PDGFD: variants seen among roughly 807,000 people sequenced by gnomAD.
PDGFD encodes the protein platelet derived growth factor D.
In PDGFD, 30 loss-of-function variants were observed where a neutral mutation model predicts 44.7. That is an observed-to-expected ratio of 0.67 (90% CI 0.50 to 0.91). The LOEUF is 0.91. Ranked by LOEUF, PDGFD falls within the 40% of genes least tolerant of loss-of-function variation. PDGFD has a pLI of 0.00. For missense variants in PDGFD, 445 were observed against 457.8 expected (o/e 0.97, Z 0.25); for synonymous variants, 173 against 168.4 (o/e 1.03, Z -0.21).
At chr11:104,002,999 T>C (rs1859643241) in intron 1 of PDGFD, among the ~76,000 whole-genome samples, 1 of 152,224 alleles carries the variant, frequency 6.6e-6, no homozygotes, top group Admixed American at 6.5e-5. Context: ...CTTTGGTCTT[T>C]TTCATGGGTA....
At chr11:104,143,538 T>C (rs1429574559) in intron 1 of PDGFD, among the ~76,000 whole-genome samples, 4 of 152,198 alleles carry the variant, frequency 2.6e-5, no homozygotes, top group Non-Finnish European at 5.9e-5. Flanking sequence ...CCCAAGCTCT[T>C]TGGGGAAGCC....
At chr11:104,089,677 T>G (rs532558386) in intron 1 of PDGFD, among the ~76,000 whole-genome samples, 1 of 152,256 alleles carries the variant, frequency 6.6e-6, no homozygotes. Context: ...TTGCCAAGTG[T>G]CTATGGTTGG....
At position 104,118,847 on chromosome 11, in the gene PDGFD, TATATATTATA is replaced by T. The variant is rs1342923806; in HGVS notation, c.124+44947_124+44956del. Reference sequence around the variant, plus strand: ...TTATAAATATTAATATATAATATATTATATATTATAATATATTATATATTAATATACATAT... The same window carrying T: ...TTATAAATATTAATATATAATATATTATATATTATATATTAATATACATAT... On this transcript the variant is annotated intron_variant, in intron 1 of 6. Coordinates refer to ENST00000393158, the MANE Select transcript of PDGFD (RefSeq NM_025208.5). 8.4e-3 allele frequency among the ~76,000 whole-genome samples: 208 copies of T among 24,890 alleles called. 1 individual carries two copies. Among genetic ancestry groups the T allele is most frequent in the African/African-American group, 0.029 (190 of 6,546 alleles). The allele number at this position is 24,890 out of a possible 152,430, so 16.3% of individuals were successfully genotyped here.
Position 104,119,276 on chromosome 11 carries a change from A to AATATAATATATTGATATAAT in PDGFD, c.124+44508_124+44527dup, listed in dbSNP as rs1565340738. Among the ~76,000 whole-genome samples the AATATAATATATTGATATAAT allele has an allele frequency of 1.5e-3, 16 of 11,024 alleles. 2 individuals carry two copies. The highest frequency in any genetic ancestry group is 3.3e-3 in the East Asian group (1 of 302). 7.2% of individuals were successfully genotyped at this position (11,024 alleles called of 152,430 possible). On this transcript the variant is annotated intron_variant, in intron 1 of 6. Coordinates refer to ENST00000393158, the MANE Select transcript of PDGFD (RefSeq NM_025208.5). ...ATATTGATATAATATATAATATATT[A>AATATAATATATTGATATAAT]ATATAATATATTGATATAATATATA...
intron 1 of PDGFD, among the ~76,000 whole-genome samples, chr11:104,099,427 C>T (rs1196187839): frequency 6.6e-6 from 1 of 151,938 alleles, no homozygotes; most frequent in South Asian, 2.1e-4. Flanking sequence ...ATCGTTTGAG[C>T]CCAGTAGTAC....
At chr11:104,162,967 C>A (rs1264269147) in intron 1 of PDGFD, among the ~76,000 whole-genome samples, 1 of 152,066 alleles carries the variant, frequency 6.6e-6, no homozygotes, top group Non-Finnish European at 1.5e-5. Context: ...AGGTGGAGGC[C>A]CCAGAAAGTA....
chr11:103,911,891 T>A (rs1372711349), intron 6 of PDGFD, among the ~76,000 whole-genome samples: 7 of 151,292 alleles, frequency 4.6e-5, no homozygotes, highest in African/African-American at 1.7e-4. Context: ...TGATTGAAGA[T>A]CAAATTAATA....
chr11:103,911,636 A>G (rs1858030567), intron 6 of PDGFD, among the ~76,000 whole-genome samples: 1 of 152,138 alleles, frequency 6.6e-6, no homozygotes, highest in South Asian at 2.1e-4. Flanking sequence ...AGTTTGAGGA[A>G]TTGACAGAAG....
chr11:104,127,749 TA>T (rs1861860721), intron 1 of PDGFD, among the ~76,000 whole-genome samples: 1 of 151,988 alleles, frequency 6.6e-6, no homozygotes, highest in Non-Finnish European at 1.5e-5. Flanking sequence ...GCTCAAAAAA[TA>T]AAGATGAATA....
intron 1 of PDGFD, among the ~76,000 whole-genome samples, chr11:104,106,892 T>C (rs113845321): frequency 0.088 from 13,304 of 151,940 alleles, 812 homozygotes; most frequent in East Asian, 0.35. Flanking sequence ...TACAGGTGTG[T>C]GCCACCACGC....
chr11:104,141,851 C>T (rs778098107), intron 1 of PDGFD, among the ~76,000 whole-genome samples: 7 of 152,148 alleles, frequency 4.6e-5, no homozygotes, highest in Non-Finnish European at 1.0e-4. Flanking sequence ...ACTGATACCC[C>T]TATTTCGACA....
At position 103,909,666 on chromosome 11, in the gene PDGFD, G is replaced by A. The variant is rs147740543; in HGVS notation, c.*28C>T. ...CCTCCTTAAACTAAAGGTTCTTTCA[G>A]GCTTAATGTAAGGATGTGCACATTC... On this transcript the variant is annotated 3_prime_UTR_variant, in exon 7 of 7. Coordinates refer to ENST00000393158, the MANE Select transcript of PDGFD (RefSeq NM_025208.5). The A allele has an allele frequency of 6.2e-7, 1 of 1,613,366 alleles. No homozygotes were observed. The highest frequency in any genetic ancestry group is 1.1e-5 in the South Asian group (1 of 91,036).
intron 6 of PDGFD, among the ~76,000 whole-genome samples, chr11:103,914,903 C>CA (rs1357014148): frequency 6.6e-6 from 1 of 152,194 alleles, no homozygotes; most frequent in African/African-American, 2.4e-5. Flanking sequence ...AACAGCCCTT[C>CA]ATGCTAAAAA....
Position 103,918,651 on chromosome 11 carries a change from G to T in PDGFD, c.987+8261C>A, listed in dbSNP as rs1196028199. ...CGTGAGCACGGTATATATGTGTTTTGCTGATAAGAAGAGAAAAATGAATTG... is the reference window on the plus strand; with the variant it reads ...CGTGAGCACGGTATATATGTGTTTTTCTGATAAGAAGAGAAAAATGAATTG... On this transcript the variant is annotated intron_variant, in intron 6 of 6. Coordinates refer to ENST00000393158, the MANE Select transcript of PDGFD (RefSeq NM_025208.5). Among the ~76,000 whole-genome samples, 52 of 152,108 alleles carry T rather than the reference G, an allele frequency of 3.4e-4. 1 individual carries two copies. The highest frequency in any genetic ancestry group is 2.9e-5 in the Non-Finnish European group (2 of 68,020).
At chr11:104,122,805 T>C (rs536391388) in intron 1 of PDGFD, among the ~76,000 whole-genome samples, 16 of 152,126 alleles carry the variant, frequency 1.1e-4, no homozygotes, top group Admixed American at 3.9e-4. Context: ...GGACTACCAG[T>C]TTTGGATTTG....
intron 6 of PDGFD, among the ~76,000 whole-genome samples, chr11:103,925,111 G>A (rs998863528): frequency 1.3e-5 from 2 of 152,074 alleles, no homozygotes; most frequent in African/African-American, 2.4e-5. Context: ...AGCTTCATCC[G>A]TGTCTCTGCA....
intron 1 of PDGFD, among the ~76,000 whole-genome samples, chr11:104,151,100 G>A (rs1862238483): frequency 6.6e-6 from 1 of 151,988 alleles, no homozygotes; most frequent in South Asian, 2.1e-4. Flanking sequence ...ACCCATCATT[G>A]ATTACTGTTT....
At chr11:103,915,979 C>A (rs1427312359) in intron 6 of PDGFD, among the ~76,000 whole-genome samples, 1 of 151,980 alleles carries the variant, frequency 6.6e-6, no homozygotes, top group Non-Finnish European at 1.5e-5. Context: ...GACATAAAAC[C>A]ATAAAAACCC....
At chr11:104,041,562 T>C (rs547498271) in intron 1 of PDGFD, among the ~76,000 whole-genome samples, 136 of 152,256 alleles carry the variant, frequency 8.9e-4, no homozygotes, top group African/African-American at 2.9e-3. Flanking sequence ...GGCCACATGA[T>C]GAAATAGACC....
Sources: gnomAD v4.1 joint callset for allele counts (sites outside exome capture counted in the v4.1 genomes callset) on GRCh38, gnomAD v4.1.1 for gene constraint, MANE v1.5 for transcripts, NCBI Gene and HGNC (gene_info 2026-07-23, HGNC 2026-07-21) for gene names.